Variants in MYO1E observed in about 807,000 individuals in gnomAD.
MYO1E encodes the protein myosin IE.
In MYO1E, 68 loss-of-function variants were observed where a neutral mutation model predicts 151.1. The ratio of observed to expected loss-of-function variants is 0.45; its 90% CI spans 0.37 to 0.55. MYO1E has a LOEUF of 0.55. Among genes scored for constraint, MYO1E ranks in the 20% least tolerant of loss-of-function variants. The probability of loss-of-function intolerance (pLI) is 0.00; values close to 1 mark genes in which losing one functional copy is unlikely to be tolerated. For synonymous variants in MYO1E, 601 were observed against 501.7 expected (o/e 1.20, Z -2.64); for missense variants, 1,363 against 1,389.3 (o/e 0.98, Z 0.30).
chr15:59,211,745 G>A (rs1397132157), intron 12 of MYO1E, among the ~76,000 whole-genome samples: 1 of 152,054 alleles, frequency 6.6e-6, no homozygotes, highest in African/African-American at 2.4e-5. Context: ...AATCACCCGT[G>A]ATTGCTCTTT....
chr15:59,301,783 TCTCTTTAA>T (rs1883064122), intron 1 of MYO1E, among the ~76,000 whole-genome samples: 1 of 152,152 alleles, frequency 6.6e-6, no homozygotes, highest in Admixed American at 6.5e-5. Context: ...CCCAGGGGAT[TCTCTTTAA>T]CTCTTTTGTT....
At chr15:59,208,948 T>A in intron 13 of MYO1E, 100 bp from the exon 14 acceptor site, 1 of 1,376,798 alleles carries the variant, frequency 7.3e-7, no homozygotes, top group Non-Finnish European at 1.0e-6. Flanking sequence ...TCCCCAGACT[T>A]AAGATACCAT....
At chr15:59,216,802 G>A (rs1201963207) in intron 10 of MYO1E, among the ~76,000 whole-genome samples, 3 of 150,322 alleles carry the variant, frequency 2.0e-5, no homozygotes, top group Non-Finnish European at 3.0e-5. Flanking sequence ...CCTCTAAAAG[G>A]TGGAGCCTCA....
At chr15:59,233,868 C>T (rs1263954650) in intron 5 of MYO1E, among the ~76,000 whole-genome samples, 2 of 126,320 alleles carry the variant, frequency 1.6e-5, no homozygotes, top group South Asian at 2.8e-4. Flanking sequence ...AGAATACACA[C>T]TGTATTTCAA....
At chr15:59,334,428 G>T (rs2080716243) in intron 1 of MYO1E, among the ~76,000 whole-genome samples, 1 of 151,210 alleles carries the variant, frequency 6.6e-6, no homozygotes, top group Non-Finnish European at 1.5e-5. Flanking sequence ...AATATTGCAT[G>T]TACCCCATAA....
chr15:59,164,675 C>A (rs1391988713), intron 22 of MYO1E, among the ~76,000 whole-genome samples: 1 of 152,202 alleles, frequency 6.6e-6, no homozygotes, highest in East Asian at 1.9e-4. Flanking sequence ...CAGCCCCATT[C>A]ACAGGTCAAG....
At chr15:59,209,815 CTTTTTTTTTTTTTTTTTTT>C (rs71119441) in intron 13 of MYO1E, among the ~76,000 whole-genome samples, 10 of 49,838 alleles carry the variant, frequency 2.0e-4, no homozygotes, top group African/African-American at 9.0e-4. Flanking sequence ...TTTGAATCAC[CTTTTTTTTTTTTTTTTTTT>C]TTTTTTTTTT....
intron 1 of MYO1E, among the ~76,000 whole-genome samples, chr15:59,361,439 C>T (rs528738693): frequency 9.9e-5 from 15 of 152,152 alleles, no homozygotes; most frequent in East Asian, 3.9e-4. Context: ...ACTATTGATG[C>T]GACTGTATGT....
intron 5 of MYO1E, among the ~76,000 whole-genome samples, chr15:59,234,413 C>A (rs774400408): frequency 1.3e-5 from 2 of 152,066 alleles, no homozygotes; most frequent in Admixed American, 6.6e-5. Flanking sequence ...GGTATAGGCA[C>A]GTCTGGCCCG....
At chr15:59,271,872 C>T (rs1258689491) in intron 2 of MYO1E, among the ~76,000 whole-genome samples, 2 of 152,310 alleles carry the variant, frequency 1.3e-5, no homozygotes, top group East Asian at 3.9e-4. Context: ...ATACCACGTG[C>T]ATGACTAGAG....
At chr15:59,193,125 C>G (rs569284755) in intron 17 of MYO1E, among the ~76,000 whole-genome samples, 84 of 116,856 alleles carry the variant, frequency 7.2e-4, no homozygotes, top group African/African-American at 3.0e-3. Flanking sequence ...GCCATCATCA[C>G]CAGCACCACC....
intron 1 of MYO1E, among the ~76,000 whole-genome samples, chr15:59,371,964 C>T (rs2140448294): frequency 6.7e-6 from 1 of 149,876 alleles, no homozygotes; most frequent in African/African-American, 2.4e-5. Context: ...CAGGGACCGC[C>T]CCCGCCCGCG....
intron 4 of MYO1E, among the ~76,000 whole-genome samples, chr15:59,239,649 T>G (rs1339900110): frequency 9.2e-5 from 14 of 152,220 alleles, no homozygotes; most frequent in Non-Finnish European, 1.5e-5. Context: ...TCTTTTAATA[T>G]ATCAAAATAA....
At chr15:59,356,583 C>CA (rs1286392771) in intron 1 of MYO1E, among the ~76,000 whole-genome samples, 1 of 152,138 alleles carries the variant, frequency 6.6e-6, no homozygotes, top group Non-Finnish European at 1.5e-5. Context: ...ACATTTTTCC[C>CA]ATTAAGTTTT....
intron 1 of MYO1E, among the ~76,000 whole-genome samples, chr15:59,314,429 A>G (rs958353983): frequency 6.6e-6 from 1 of 152,176 alleles, no homozygotes. Context: ...AGGGATACCT[A>G]TTGAGTTGCC....
At chr15:59,308,797 C>T (rs1398841417) in intron 1 of MYO1E, among the ~76,000 whole-genome samples, 4 of 150,068 alleles carry the variant, frequency 2.7e-5, no homozygotes, top group African/African-American at 9.8e-5. Flanking sequence ...GGTAATTGTG[C>T]CATTGCACTT....
chr15:59,203,108 G>C (rs1322253030), intron 15 of MYO1E, among the ~76,000 whole-genome samples: 1 of 152,216 alleles, frequency 6.6e-6, no homozygotes. Flanking sequence ...GAAATGTCTG[G>C]ATTCAGTGCA....
intron 5 of MYO1E, among the ~76,000 whole-genome samples, chr15:59,234,373 T>C (rs1248199325): frequency 6.6e-6 from 1 of 152,190 alleles, no homozygotes; most frequent in Non-Finnish European, 1.5e-5. Flanking sequence ...CTGTCCTTTG[T>C]TCTCTCCCTG....
At chr15:59,203,412 G>A (rs1029317961) in intron 15 of MYO1E, among the ~76,000 whole-genome samples, 4 of 147,428 alleles carry the variant, frequency 2.7e-5, no homozygotes, top group South Asian at 2.1e-4. Context: ...ATGGAGTCTC[G>A]CTCTGTCACC....
Sources: allele counts gnomAD v4.1 joint callset (sites outside exome capture counted in the v4.1 genomes callset), GRCh38; gene constraint gnomAD v4.1.1; transcripts MANE v1.5; gene names NCBI Gene and HGNC (gene_info 2026-07-23, HGNC 2026-07-21).